The following CATSPERE variants were observed in gnomAD, a reference collection of about 807,000 sequenced individuals.
CATSPERE encodes catsper channel auxiliary subunit epsilon.
In CATSPERE, 93 loss-of-function variants were observed where a neutral mutation model predicts 114.1. The observed-to-expected ratio is 0.81, with a 90% confidence interval of 0.69 to 0.97. The LOEUF (loss-of-function observed/expected upper bound fraction) is 0.97, where lower values mean the gene tolerates loss of function less well. Among genes scored for constraint, CATSPERE ranks in the 50% least tolerant of loss-of-function variants. The probability of loss-of-function intolerance (pLI) is 0.00; values close to 1 mark genes in which losing one functional copy is unlikely to be tolerated. For missense variants in CATSPERE, 1,058 were observed against 1,131.6 expected (o/e 0.93, Z 0.93); for synonymous variants, 341 against 384.1 (o/e 0.89, Z 1.31).
chr1:244,549,440 C>T (rs1237939113), intron 8 of CATSPERE, among the ~76,000 whole-genome samples: 2 of 152,074 alleles, frequency 1.3e-5, no homozygotes, highest in Admixed American at 6.5e-5. Flanking sequence ...TATATAGACA[C>T]ACACACATAT....
intron 10 of CATSPERE, among the ~76,000 whole-genome samples, chr1:244,570,227 G>A (rs1445112530): frequency 6.6e-6 from 1 of 151,746 alleles, no homozygotes; most frequent in Non-Finnish European, 1.5e-5. Flanking sequence ...TAATTTATTG[G>A]CAAAAGTAGG....
At chr1:244,479,030 A>G (rs1320914194) in intron 4 of CATSPERE, among the ~76,000 whole-genome samples, 1 of 77,196 alleles carries the variant, frequency 1.3e-5, no homozygotes, top group Non-Finnish European at 3.0e-5. Context: ...CTTCGTCTCA[A>G]AAAAAAAAAA....
At chr1:244,459,162 T>G (rs1666424853), upstream of CATSPERE, among the ~76,000 whole-genome samples, 1 of 148,500 alleles carries the variant, frequency 6.7e-6, no homozygotes, top group African/African-American at 2.5e-5. Flanking sequence ...CACTGCAACC[T>G]CCGCCTCCCA....
intron 6 of CATSPERE, among the ~76,000 whole-genome samples, chr1:244,496,582 A>C (rs1042954086): frequency 1.2e-4 from 19 of 152,352 alleles, no homozygotes; most frequent in South Asian, 2.1e-4. Context: ...TTATACCTAT[A>C]TGACAAAACT....
At chr1:244,624,185 A>G (rs1172081897) in intron 20 of CATSPERE, among the ~76,000 whole-genome samples, 12 of 138,414 alleles carry the variant, frequency 8.7e-5, no homozygotes, top group Admixed American at 7.9e-4. Context: ...GTTAGCCAGG[A>G]TGGTCTCAAT....
chr1:244,532,981 G>T (rs1233982937), intron 8 of CATSPERE, among the ~76,000 whole-genome samples: 1 of 151,616 alleles, frequency 6.6e-6, no homozygotes, highest in Non-Finnish European at 1.5e-5. Flanking sequence ...TTGTATTGGG[G>T]TCTCTCTCTC....
intron 15 of CATSPERE, 59 bp downstream of exon 15, chr1:244,591,790 C>A (rs1428111977): frequency 3.9e-6 from 4 of 1,019,866 alleles, no homozygotes; most frequent in Non-Finnish European, 4.5e-6. Context: ...CAATACTTTA[C>A]AATCAGTACT....
intron 9 of CATSPERE, among the ~76,000 whole-genome samples, chr1:244,553,243 C>G (rs1026325926): frequency 2.6e-5 from 4 of 152,108 alleles, no homozygotes; most frequent in Admixed American, 2.6e-4. Context: ...CATTTCCTCT[C>G]TCCTAGTTAC....
chr1:244,625,919 T>G (rs965092996), intron 20 of CATSPERE, among the ~76,000 whole-genome samples: 1 of 151,928 alleles, frequency 6.6e-6, no homozygotes, highest in African/African-American at 2.4e-5. Context: ...GAATCTTTTT[T>G]TTTTTCTGAG....
intron 5 of CATSPERE, among the ~76,000 whole-genome samples, chr1:244,487,060 G>A (rs974051393): frequency 6.6e-6 from 1 of 151,226 alleles, no homozygotes; most frequent in Non-Finnish European, 1.5e-5. Context: ...TAGTCACCTG[G>A]TGGGTGGTTC....
upstream of CATSPERE, among the ~76,000 whole-genome samples, chr1:244,460,374 G>A (rs369491363): frequency 2.7e-4 from 41 of 152,250 alleles, no homozygotes; most frequent in East Asian, 7.5e-3. Flanking sequence ...GCACCACCCA[G>A]ATCAGTAAAC....
At chr1:244,462,392 C>T (rs550045684) in intron 1 of CATSPERE, among the ~76,000 whole-genome samples, 15 of 152,272 alleles carry the variant, frequency 9.9e-5, no homozygotes, top group African/African-American at 3.6e-4. Context: ...TTAAACGTGA[C>T]TCTTTGAGCT....
In CATSPERE at chr1:244,575,914, C is replaced by T. The variant is rs939051870; in HGVS notation, c.1950+3142C>T. Among the ~76,000 whole-genome samples, 9 of 152,164 alleles carry T rather than the reference C, an allele frequency of 5.9e-5. No homozygotes were observed. Among genetic ancestry groups the T allele is most frequent in the African/African-American group, 2.2e-4 (9 of 41,516 alleles). On this transcript the variant is annotated intron_variant, in intron 11 of 21. Transcript: ENST00000366534. This position sits in a 1 kb window ranked among gnomAD's most constrained non-coding sequence, Gnocchi z 4.5. Reference sequence around the variant, plus strand: ...TCACCTCTTTTTAACCTCTAAGACACCCTAAGAAATACTTCACCGCCTCCC... The same window carrying T: ...TCACCTCTTTTTAACCTCTAAGACATCCTAAGAAATACTTCACCGCCTCCC...
At chr1:244,475,894 T>G (rs1027669805) in intron 2 of CATSPERE, among the ~76,000 whole-genome samples, 2 of 152,208 alleles carry the variant, frequency 1.3e-5, no homozygotes, top group African/African-American at 4.8e-5. Flanking sequence ...CATTTTATAC[T>G]TTATGACTTT....
At chr1:244,571,310 T>C (rs6699924) in intron 10 of CATSPERE, among the ~76,000 whole-genome samples, 30,838 of 152,156 alleles carry the variant, frequency 0.2, 4,743 homozygotes, top group East Asian at 0.41. Flanking sequence ...CTCCCTGACT[T>C]GATGAATTCC....
intron 8 of CATSPERE, among the ~76,000 whole-genome samples, chr1:244,546,464 A>C (rs1192960478): frequency 6.6e-6 from 1 of 152,258 alleles, no homozygotes; most frequent in Admixed American, 6.5e-5. Flanking sequence ...GTGTCCCCAA[A>C]TGGACAAAAT....
intron 12 of CATSPERE, among the ~76,000 whole-genome samples, chr1:244,583,177 T>C (rs967648662): frequency 6.6e-6 from 1 of 152,122 alleles, no homozygotes; most frequent in East Asian, 1.9e-4. Context: ...ACACGTAAAA[T>C]TGCCAAGGAC....
chr1:244,480,755 AG>A (rs1670149287), intron 5 of CATSPERE, among the ~76,000 whole-genome samples: 2 of 152,120 alleles, frequency 1.3e-5, no homozygotes, highest in Non-Finnish European at 2.9e-5. Context: ...AATAATACCG[AG>A]GTTTCAGCAA....
intron 8 of CATSPERE, among the ~76,000 whole-genome samples, chr1:244,542,309 C>A (rs371096545): frequency 1.3e-5 from 2 of 152,138 alleles, no homozygotes; most frequent in African/African-American, 2.4e-5. Context: ...GACTCTACCA[C>A]GCCTTGATGC....
Sources: gnomAD v4.1 joint callset for allele counts (sites outside exome capture counted in the v4.1 genomes callset) on GRCh38, gnomAD v4.1.1 for gene constraint, Gnocchi (gnomAD v3.1) non-coding constraint, MANE v1.5 for transcripts, NCBI Gene and HGNC (gene_info 2026-07-23, HGNC 2026-07-21) for gene names.